The following CFAP58 variants were observed in gnomAD, a reference collection of about 807,000 sequenced individuals.
CFAP58 encodes the protein cilia- and flagella-associated protein 58.
A neutral mutation model predicts 119.5 loss-of-function variants in CFAP58; 88 were observed. The observed-to-expected ratio is 0.74, with a 90% CI of 0.62 to 0.88. The LOEUF (loss-of-function observed/expected upper bound fraction) is 0.88, where lower values mean the gene tolerates loss of function less well. CFAP58 is among the 40% of genes least tolerant of loss of function. The probability of loss-of-function intolerance (pLI) is 0.00; values close to 1 mark genes in which losing one functional copy is unlikely to be tolerated. For missense variants in CFAP58, 990 were observed against 1,021.2 expected (o/e 0.97, Z 0.42); for synonymous variants, 365 against 366.3 (o/e 1.00, Z 0.04).
At chr10:104,388,364 T>C (rs1382769777) in intron 9 of CFAP58, among the ~76,000 whole-genome samples, 1 of 152,192 alleles carries the variant, frequency 6.6e-6, no homozygotes, top group African/African-American at 2.4e-5. Flanking sequence ...ATATATTCTC[T>C]CACTTAAATC....
At chr10:104,440,221 A>AGCTCCTTTT (rs2013015605) in intron 15 of CFAP58, among the ~76,000 whole-genome samples, 1 of 147,906 alleles carries the variant, frequency 6.8e-6, no homozygotes, top group African/African-American at 2.6e-5. Flanking sequence ...GCATGCATCT[A>AGCTCCTTTT]TAGGTCCTTG....
At chr10:104,416,352 G>A (rs1289582303) in intron 15 of CFAP58, among the ~76,000 whole-genome samples, 1 of 152,154 alleles carries the variant, frequency 6.6e-6, no homozygotes, top group African/African-American at 2.4e-5. Flanking sequence ...AGAGGCCTAG[G>A]TAAGGGGCAT....
chr10:104,410,356 A>G (rs2012440584), intron 15 of CFAP58, among the ~76,000 whole-genome samples: 1 of 152,150 alleles, frequency 6.6e-6, no homozygotes, highest in African/African-American at 2.4e-5. Flanking sequence ...TTCTATTTCT[A>G]CATATCTCCA....
chr10:104,444,971 G>A (rs894358284), intron 15 of CFAP58, among the ~76,000 whole-genome samples: 5 of 152,164 alleles, frequency 3.3e-5, no homozygotes, highest in African/African-American at 1.2e-4. Context: ...GGCCCTCACA[G>A]TTCAGTTGCT....
intron 11 of CFAP58, among the ~76,000 whole-genome samples, chr10:104,393,938 A>G (rs938032812): frequency 2.6e-5 from 4 of 152,200 alleles, no homozygotes; most frequent in Non-Finnish European, 5.9e-5. Context: ...TTCTATCTGC[A>G]GTCTTATCAA....
intron 14 of CFAP58, among the ~76,000 whole-genome samples, chr10:104,405,586 G>A (rs1333662660): frequency 1.3e-5 from 2 of 152,214 alleles, no homozygotes; most frequent in African/African-American, 2.4e-5. Flanking sequence ...ATTTATAACT[G>A]TATATCTTGT....
the CFAP58 span, among the ~76,000 whole-genome samples, chr10:104,345,741 G>A: frequency 2.0e-5 from 3 of 152,058 alleles, no homozygotes; most frequent in Non-Finnish European, 2.9e-5. Flanking sequence ...GCAACACTGA[G>A]CTGCCACTTG....
Position 104,400,872 on chromosome 10 carries a change from GC to G in CFAP58, c.2010del (p.Arg671GlyfsTer21). The G allele has an allele frequency of 6.2e-7, 1 of 1,614,138 alleles. No individual in the cohort carries two copies. Among genetic ancestry groups the G allele is most frequent in the Non-Finnish European group, 8.5e-7 (1 of 1,180,010 alleles). On this transcript the variant is annotated frameshift_variant, in exon 13 of 18. Transcript: ENST00000369704. LOFTEE classifies it high-confidence loss of function. ...KKLRREKGIL[A>X]RSMANVEELR... Reference sequence around the variant, plus strand: ...GCTTCGCCGGGAAAAGGGGATTCTTGCCAGGAGTATGGCTAATGTTGAAGAA... The same window carrying G: ...GCTTCGCCGGGAAAAGGGGATTCTTGCAGGAGTATGGCTAATGTTGAAGAA...
intron 9 of CFAP58, among the ~76,000 whole-genome samples, chr10:104,384,589 T>C (rs566857819): frequency 2.0e-5 from 3 of 152,336 alleles, no homozygotes; most frequent in Non-Finnish European, 4.4e-5. Context: ...GTTGAACTCT[T>C]TGAAATAGCC....
At chr10:104,450,321 A>T in intron 17 of CFAP58, 117 bp downstream of exon 17, 3 of 1,038,874 alleles carry the variant, frequency 2.9e-6, no homozygotes, top group Non-Finnish European at 4.4e-6. Context: ...TCACAGGGTA[A>T]ACAAATGACA....
intron 15 of CFAP58, among the ~76,000 whole-genome samples, chr10:104,413,583 A>G (rs998857004): frequency 6.6e-6 from 1 of 152,018 alleles, no homozygotes; most frequent in East Asian, 1.9e-4. Flanking sequence ...TTGTTGCTTC[A>G]TTTGTTCCTC....
intron 1 of CFAP58, among the ~76,000 whole-genome samples, chr10:104,356,982 G>T (rs934168166): frequency 3.9e-5 from 6 of 152,146 alleles, no homozygotes; most frequent in African/African-American, 1.4e-4. Flanking sequence ...CTAACAAGAA[G>T]TAGGTGGATT....
intron 9 of CFAP58, among the ~76,000 whole-genome samples, chr10:104,382,671 T>C (rs559776317): frequency 7.9e-5 from 12 of 152,310 alleles, no homozygotes; most frequent in African/African-American, 2.9e-4. Context: ...TAAGCTGTTC[T>C]CATGATGGTG....
intron 1 of CFAP58, among the ~76,000 whole-genome samples, chr10:104,357,974 T>TAC: frequency 7.2e-6 from 1 of 138,590 alleles, no homozygotes; most frequent in East Asian, 2.0e-4. Context: ...TGTACACATA[T>TAC]GTACATATGT....
At chr10:104,434,431 T>C (rs2012897887) in intron 15 of CFAP58, among the ~76,000 whole-genome samples, 1 of 152,188 alleles carries the variant, frequency 6.6e-6, no homozygotes, top group Non-Finnish European at 1.5e-5. Flanking sequence ...GTAGGAGGCC[T>C]CAGGTCTCCT....
upstream of CFAP58, chr10:104,351,901 A>T (rs891829753): frequency 2.0e-5 from 3 of 152,196 alleles, no homozygotes; most frequent in African/African-American, 7.2e-5. Flanking sequence ...TCTAAAGCAG[A>T]TTGATGTCCA....
intron 1 of CFAP58, among the ~76,000 whole-genome samples, chr10:104,357,976 T>C (rs931265827): frequency 2.7e-4 from 36 of 135,342 alleles, no homozygotes; most frequent in Non-Finnish European, 4.1e-4. Context: ...TACACATATG[T>C]ACATATGTAC....
intron 15 of CFAP58, among the ~76,000 whole-genome samples, chr10:104,438,336 T>G (rs1355760684): frequency 4.4e-4 from 59 of 133,956 alleles, no homozygotes; most frequent in African/African-American, 1.8e-3. Flanking sequence ...GTTTTTTTGT[T>G]TTTTGTTTTT....
At chr10:104,421,921 C>G (rs909421156) in intron 15 of CFAP58, among the ~76,000 whole-genome samples, 4 of 152,186 alleles carry the variant, frequency 2.6e-5, no homozygotes, top group Non-Finnish European at 5.9e-5. Flanking sequence ...TGTGGTGGCT[C>G]ACACCTATAA....
Sources: allele counts gnomAD v4.1 joint callset (sites outside exome capture counted in the v4.1 genomes callset), GRCh38; gene constraint gnomAD v4.1.1; transcripts MANE v1.5; gene names NCBI Gene and HGNC (gene_info 2026-07-23, HGNC 2026-07-21).